The following COMMD10 variants were observed in gnomAD, a reference collection of about 807,000 sequenced individuals.
COMMD10 encodes the protein COMM domain-containing protein 10.
A neutral mutation model predicts 28.9 loss-of-function variants in COMMD10; 33 were observed. The observed-to-expected ratio is 1.14, with a 90% confidence interval of 0.87 to 1.53. The LOEUF (loss-of-function observed/expected upper bound fraction) is 1.53. Among genes scored for constraint, COMMD10 ranks in the 40% most tolerant of loss-of-function variants. The pLI is 0.00. For synonymous variants in COMMD10, 110 were observed against 81.7 expected, an observed-to-expected ratio of 1.35 and a Z score of -1.87; for missense variants, 310 against 233.4, an observed-to-expected ratio of 1.33 and a Z score of -2.14.
In COMMD10 at chr5:116,292,609, G is replaced by A. The variant is rs578242265; in HGVS notation, c.*120G>A. The A allele has an allele frequency of 6.3e-5, 43 of 679,784 alleles. No homozygotes were observed. The highest frequency in any genetic ancestry group is 9.9e-5 in the Non-Finnish European group (41 of 415,098). The allele number at this position is 679,784 out of a possible 1,614,324, so 42.1% of individuals were successfully genotyped here. ...TGACTTGCTTTCTGTAAATTATATG[G>A]CTTATCACTTCTTAGACAAATAACA... On this transcript the variant is annotated 3_prime_UTR_variant, in exon 7 of 7. Coordinates refer to ENST00000274458, the MANE Select transcript of COMMD10 (RefSeq NM_016144.4).
intron 5 of COMMD10, among the ~76,000 whole-genome samples, chr5:116,158,865 C>A (rs1286322316): frequency 1.6e-5 from 2 of 125,642 alleles, no homozygotes; most frequent in African/African-American, 3.8e-5. Context: ...TTTTTTTTCC[C>A]CCCCTGAGGT....
At chr5:116,121,316 C>CT (rs2112751693) in intron 4 of COMMD10, among the ~76,000 whole-genome samples, 1 of 152,252 alleles carries the variant, frequency 6.6e-6, no homozygotes, top group Non-Finnish European at 1.5e-5. Context: ...TGAACTAATC[C>CT]TTTTTTATGG....
intron 5 of COMMD10, among the ~76,000 whole-genome samples, chr5:116,157,105 C>T (rs1399795917): frequency 2.6e-5 from 4 of 152,060 alleles, no homozygotes. Flanking sequence ...TCAGAAGTTC[C>T]TATTTTTTCA....
intron 4 of COMMD10, among the ~76,000 whole-genome samples, chr5:116,120,686 G>A (rs901847892): frequency 2.6e-5 from 4 of 151,324 alleles, no homozygotes; most frequent in South Asian, 4.2e-4. Context: ...TTTTGTATGT[G>A]TCTGGCTTCA....
At chr5:116,096,303 T>A (rs956518799) in intron 4 of COMMD10, among the ~76,000 whole-genome samples, 1 of 151,920 alleles carries the variant, frequency 6.6e-6, no homozygotes, top group African/African-American at 2.4e-5. Flanking sequence ...GCCCTTATTT[T>A]GTTAGGTTTG....
rs140680337 is a variant in COMMD10 at position 116,176,210 on chromosome 5, C to G, written c.510+42032C>G. Among the ~76,000 whole-genome samples the G allele has an allele frequency of 2.0e-3, 309 of 152,312 alleles. 1 individual carries two copies. Among genetic ancestry groups the G allele is most frequent in the African/African-American group, 7.0e-3 (291 of 41,578 alleles). On this transcript the variant is annotated intron_variant, in intron 5 of 6. Coordinates refer to ENST00000274458, the MANE Select transcript of COMMD10 (RefSeq NM_016144.4). ...CTCTGCAACCTCCACCTACAAGATT[C>G]AAGCAATTCTCATGCCTCAGCCTCC...
intron 5 of COMMD10, among the ~76,000 whole-genome samples, chr5:116,150,354 C>T (rs997633231): frequency 6.6e-6 from 1 of 151,952 alleles, no homozygotes; most frequent in Non-Finnish European, 1.5e-5. Context: ...TTTTTTGGTT[C>T]CATATGAACT....
chr5:116,241,069 G>T (rs1466033784), intron 5 of COMMD10, among the ~76,000 whole-genome samples: 1 of 152,070 alleles, frequency 6.6e-6, no homozygotes, highest in Admixed American at 6.5e-5. Flanking sequence ...ATGGTCCTTG[G>T]GTAGAACAGG....
intron 4 of COMMD10, among the ~76,000 whole-genome samples, chr5:116,127,656 C>G (rs1561618022): frequency 6.6e-6 from 1 of 152,272 alleles, no homozygotes; most frequent in South Asian, 2.1e-4. Flanking sequence ...AACCATCATT[C>G]TGAGCAAATT....
At chr5:116,264,398 C>T (rs1486439848) in intron 5 of COMMD10, among the ~76,000 whole-genome samples, 2 of 151,714 alleles carry the variant, frequency 1.3e-5, no homozygotes, top group South Asian at 4.1e-4. Context: ...TCAGGATATC[C>T]CTTCACTAAA....
chr5:116,258,688 A>C (rs1287272972), intron 5 of COMMD10, among the ~76,000 whole-genome samples: 1 of 151,588 alleles, frequency 6.6e-6, no homozygotes, highest in Non-Finnish European at 1.5e-5. Context: ...TTTTTGTACC[A>C]CTGTAGATGA....
chr5:116,219,040 AC>A (rs1417562119), intron 5 of COMMD10, among the ~76,000 whole-genome samples: 2 of 152,170 alleles, frequency 1.3e-5, no homozygotes, highest in East Asian at 3.9e-4. Flanking sequence ...TAAGAAAAAG[AC>A]TAGCTACCAG....
chr5:116,267,402 G>A (rs1354249159), intron 5 of COMMD10, among the ~76,000 whole-genome samples: 1 of 151,828 alleles, frequency 6.6e-6, no homozygotes, highest in African/African-American at 2.4e-5. Flanking sequence ...GGATGTGAAG[G>A]ACCTCTTCAA....
chr5:116,109,450 C>A lies in COMMD10; in HGVS notation c.399+16750C>A, dbSNP rs1750967536. Among the ~76,000 whole-genome samples the A allele has an allele frequency of 2.0e-5, 3 of 152,054 alleles. No individual in the cohort carries two copies. In the South Asian group the frequency reaches 6.2e-4, roughly 32 times the overall value. ...CTCTACTAAAAATACAAAAATTAGC[C>A]AGGCGTGCTGGTGCGTGCCTGTAAT... On this transcript the variant is annotated intron_variant, in intron 4 of 6. Transcript: ENST00000274458.
At chr5:116,170,375 A>G (rs1753281757) in intron 5 of COMMD10, among the ~76,000 whole-genome samples, 1 of 152,232 alleles carries the variant, frequency 6.6e-6, no homozygotes, top group Non-Finnish European at 1.5e-5. Context: ...GCTCATGCAT[A>G]GGAAGAATCA....
chr5:116,158,576 A>G (rs1036706655), intron 5 of COMMD10, among the ~76,000 whole-genome samples: 2 of 144,772 alleles, frequency 1.4e-5, no homozygotes, highest in African/African-American at 5.2e-5. Flanking sequence ...TCTTAGGTTC[A>G]AGCGATCCTC....
intron 5 of COMMD10, among the ~76,000 whole-genome samples, chr5:116,154,122 A>C (rs1003554843): frequency 6.6e-6 from 1 of 152,092 alleles, no homozygotes; most frequent in Non-Finnish European, 1.5e-5. Flanking sequence ...ACCCAGCCTC[A>C]AGCTGCGTTA....
intron 5 of COMMD10, chr5:116,188,364 G>T (rs1748214141): frequency 1.3e-5 from 2 of 152,034 alleles, no homozygotes; most frequent in African/African-American, 4.8e-5. Context: ...TTGATTTAGA[G>T]TAATCAGTTT....
At chr5:116,128,902 T>C (rs1362462437) in intron 4 of COMMD10, among the ~76,000 whole-genome samples, 1 of 151,876 alleles carries the variant, frequency 6.6e-6, no homozygotes, top group East Asian at 1.9e-4. Flanking sequence ...GTTGTGACTT[T>C]TGCAGAATAT....
Sources: gnomAD v4.1 joint callset for allele counts (sites outside exome capture counted in the v4.1 genomes callset) on GRCh38, gnomAD v4.1.1 for gene constraint, MANE v1.5 for transcripts, NCBI Gene and HGNC (gene_info 2026-07-23, HGNC 2026-07-21) for gene names.